The following GOLGA4 variants were observed in gnomAD, a reference collection of about 807,000 sequenced individuals.
GOLGA4 encodes the protein golgin subfamily A member 4.
Under a neutral mutation model 265.9 loss-of-function variants are expected in GOLGA4, and 169 were observed. That is an observed-to-expected ratio of 0.64 (90% CI 0.56 to 0.72). The LOEUF (loss-of-function observed/expected upper bound fraction) is 0.72, where lower values mean the gene tolerates loss of function less well. Ranked by LOEUF, GOLGA4 falls within the 30% of genes least tolerant of loss-of-function variation. The pLI, the probability that GOLGA4 is intolerant of heterozygous loss-of-function variation, is 0.00. For synonymous variants in GOLGA4, 923 were observed against 855.8 expected (o/e 1.08, Z -1.37); for missense variants, 2,482 against 2,483.4 (o/e 1.00, Z 0.01).
Position 37,243,279 on chromosome 3 carries a change from T to A in GOLGA4, c.-272T>A. ...AAGCGCCCTTGGCGCACAGTTCACC[T>A]GCTGCCGTTGTCGTCGCCGCCGCGG... On this transcript the variant is annotated 5_prime_UTR_variant, in exon 1 of 24. Transcript: ENST00000361924. The A allele has an allele frequency of 1.9e-6, 1 of 527,122 alleles. No individual in the cohort carries two copies. The allele number at this position is 527,122 out of a possible 1,614,324, so 32.7% of individuals were successfully genotyped here.
In GOLGA4 at chr3:37,243,438, C is replaced by T. The variant is rs1368650257; in HGVS notation, c.-113C>T. 26 of 886,988 alleles carry T rather than the reference C, an allele frequency of 2.9e-5. No individual in the cohort carries two copies. Among genetic ancestry groups the T allele is most frequent in the Non-Finnish European group, 4.3e-5 (23 of 535,802 alleles). 54.9% of individuals were successfully genotyped at this position (886,988 alleles called of 1,614,324 possible). On this transcript the variant is annotated 5_prime_UTR_variant, in exon 1 of 24. Transcript: ENST00000361924. ...GCCTCAAGGAGGAGACGGCGAGGCCCGGCCCCCGCTGTCCCTGGTGTAAAG... is the reference window on the plus strand; with the variant it reads ...GCCTCAAGGAGGAGACGGCGAGGCCTGGCCCCCGCTGTCCCTGGTGTAAAG...
At position 37,269,565 on chromosome 3, in the gene GOLGA4, A is replaced by G. The variant is rs576429655; in HGVS notation, c.163-12393A>G. On this transcript the variant is annotated intron_variant, in intron 2 of 23. Transcript: ENST00000361924. ...GGCTTCACAGAAAAAAAAAATAGGC[A>G]TAAGGAATGTGTTAGCCTTCCAGGA... Among the ~76,000 whole-genome samples, 110 of 152,300 alleles carry G rather than the reference A, an allele frequency of 7.2e-4. 1 individual carries two copies. Among genetic ancestry groups the G allele is most frequent in the Middle Eastern group, 6.8e-3 (2 of 294 alleles).
intron 10 of GOLGA4, among the ~76,000 whole-genome samples, chr3:37,307,135 G>A (rs2096908635): frequency 6.6e-6 from 1 of 152,080 alleles, no homozygotes; most frequent in South Asian, 2.1e-4. Flanking sequence ...TCCCTTTCAT[G>A]TACCTTGTCT....
Position 37,335,164 on chromosome 3 carries a change from A to C in GOLGA4, c.6304A>C (p.Asn2102His), listed in dbSNP as rs1245220649. 2 of 1,522,444 alleles carry C rather than the reference A, an allele frequency of 1.3e-6. No homozygotes were observed. Among genetic ancestry groups the C allele is most frequent in the Non-Finnish European group, 1.8e-6 (2 of 1,101,332 alleles). 94.3% of individuals were successfully genotyped at this position (1,522,444 alleles called of 1,614,324 possible). Residue 2102 changes from asparagine to histidine, a missense_variant and splice_region_variant, in exon 17 of 24, where the codon AAT (asparagine) becomes CAT (histidine). By Grantham distance (68) the Asn-to-His change is moderately conservative. This residue lies in a region of GOLGA4 where 942 missense variants were observed against 983.1 expected (regional missense o/e 0.96). Coordinates refer to ENST00000361924, the MANE Select transcript of GOLGA4 (RefSeq NM_002078.5). ...LEQEENPGND[N>H]VTIMELQTQL... ...GCAGGAGGAGAACCCTGGCAATGAT[A>C]ATGTGAGAGGAGTTTGAGTTTGCTG...
At chr3:37,268,828 C>T (rs2096790545) in intron 2 of GOLGA4, among the ~76,000 whole-genome samples, 2 of 152,334 alleles carry the variant, frequency 1.3e-5, no homozygotes, top group South Asian at 4.1e-4. Flanking sequence ...CCTCGGCCTC[C>T]TGAAGTGCTG....
Position 37,318,925 on chromosome 3 carries a change from A to G in GOLGA4, c.1414-138A>G, listed in dbSNP as rs1438212806. Reference sequence around the variant, plus strand: ...TTGATGACTTTGATCTATGCAGGAAATGTGTTTTCTCTTAGGAATGTGATT... The same window carrying G: ...TTGATGACTTTGATCTATGCAGGAAGTGTGTTTTCTCTTAGGAATGTGATT... On this transcript the variant is annotated intron_variant, in intron 11 of 23. Transcript: ENST00000361924. 4 of 573,690 alleles carry G rather than the reference A, an allele frequency of 7.0e-6. No individual in the cohort carries two copies. The East Asian group carries it at 9.2e-5, about 13-fold the overall frequency. 35.5% of individuals were successfully genotyped at this position (573,690 alleles called of 1,614,324 possible).
At chr3:37,340,057 A>G (rs17036249) in intron 19 of GOLGA4, 67 bp from the exon 20 acceptor site, 22,276 of 699,084 alleles carry the variant, frequency 0.032, 464 homozygotes, top group African/African-American at 0.055. Context: ...GGTGACAGCA[A>G]TCTTTCTTTT....
intron 1 of GOLGA4, among the ~76,000 whole-genome samples, chr3:37,248,315 T>C (rs1425136955): frequency 6.6e-6 from 1 of 152,182 alleles, no homozygotes; most frequent in African/African-American, 2.4e-5. Flanking sequence ...ATAACTGTGG[T>C]CAGTTAATAA....
chr3:37,273,181 A>G (rs2096803560), intron 2 of GOLGA4, among the ~76,000 whole-genome samples: 1 of 152,128 alleles, frequency 6.6e-6, no homozygotes, highest in South Asian at 2.1e-4. Flanking sequence ...TTTTCTGGAT[A>G]GTTTTCTGTT....
rs9840779 is a variant in GOLGA4 at position 37,326,541 on chromosome 3, A to G, written c.4655A>G (p.Asn1552Ser). The change falls in exon 14 of 24, where the codon AAT (asparagine) becomes AGT (serine). Residue 1552 changes from asparagine to serine, a missense_variant. Asn to Ser is a conservative substitution (Grantham distance 46, BLOSUM62 1). Around this residue, in one of 3 missense-constraint regions of GOLGA4, gnomAD observed 942 missense variants for 983.1 expected, o/e 0.96. Transcript: ENST00000361924. ...TTAAATGAAGTTCTTAAAAATTACAATCAACAAAAGGATATTGAACACAAA... is the reference window on the plus strand; with the variant it reads ...TTAAATGAAGTTCTTAAAAATTACAGTCAACAAAAGGATATTGAACACAAA... Reference protein sequence around the residue: ...ESLNEVLKNYNQQKDIEHKEL... With the variant: ...ESLNEVLKNYSQQKDIEHKEL... 2.9e-3 allele frequency: 4,737 copies of G among 1,608,386 alleles called. 102 individuals carry two copies. The African/African-American group carries it at 0.053, about 18-fold the overall frequency.
At position 37,261,170 on chromosome 3, in the gene GOLGA4, C is replaced by CA. The variant is rs1462338337; in HGVS notation, c.162+9696dup. Among the ~76,000 whole-genome samples the CA allele has an allele frequency of 2.9e-3, 422 of 146,180 alleles. 2 individuals carry two copies. The highest frequency in any genetic ancestry group is 2.7e-3 in the Non-Finnish European group (179 of 66,140). ...TTGGTGACAGAGCAAGACCCTATCT[C>CA]AAAAAAAAAAGAAAAAAGTCTGCTG... On this transcript the variant is annotated intron_variant, in intron 2 of 23. Transcript: ENST00000361924.
chr3:37,243,528 C>T lies in GOLGA4; in HGVS notation c.-23C>T. On this transcript the variant is annotated 5_prime_UTR_variant, in exon 1 of 24. Transcript: ENST00000361924. ...TCGCCCTTCAGGTTTCGTTGACACT[C>T]AGGACCGTACGTACGCTGCGCCATG... The T allele has an allele frequency of 6.2e-7, 1 of 1,611,762 alleles. No individual in the cohort carries two copies. Among genetic ancestry groups the T allele is most frequent in the East Asian group, 2.2e-5 (1 of 44,846 alleles).
At chr3:37,356,242 C>G (rs1206908595) in intron 22 of GOLGA4, among the ~76,000 whole-genome samples, 1 of 152,086 alleles carries the variant, frequency 6.6e-6, no homozygotes, top group Non-Finnish European at 1.5e-5. Context: ...ACCTCTTGCA[C>G]TTACAGCCTT....
chr3:37,327,254 G>T lies in GOLGA4; in HGVS notation c.5368G>T (p.Asp1790Tyr). The T allele has an allele frequency of 6.2e-7, 1 of 1,613,816 alleles. No individual in the cohort carries two copies. Among genetic ancestry groups the T allele is most frequent in the Non-Finnish European group, 8.5e-7 (1 of 1,179,800 alleles). The part of the protein sequence containing the change: ...LEHAEAKQHE[D>Y]QSMIGHLQEE... ...ACATGCTGAGGCAAAGCAACATGAA[G>T]ATCAAAGTATGATAGGTCATCTTCA... Residue 1790 changes from aspartate to tyrosine, a missense_variant, in exon 14 of 24, where the codon GAT becomes TAT. Physicochemically the swap from Asp to Tyr is radical, Grantham distance 160 (BLOSUM62 -3). This residue lies in a region of GOLGA4 where 942 missense variants were observed against 983.1 expected (regional missense o/e 0.96). Coordinates refer to ENST00000361924, the MANE Select transcript of GOLGA4 (RefSeq NM_002078.5).
intron 23 of GOLGA4, among the ~76,000 whole-genome samples, chr3:37,361,539 A>G (rs973062191): frequency 2.6e-5 from 4 of 152,242 alleles, no homozygotes; most frequent in Non-Finnish European, 5.9e-5. Context: ...AGAGTAATTG[A>G]AAGTTTGAAA....
At chr3:37,340,077 C>G (rs985419808) in intron 19 of GOLGA4, 47 bp from the exon 20 acceptor site, 19 of 783,232 alleles carry the variant, frequency 2.4e-5, no homozygotes, top group Non-Finnish European at 4.2e-5. Context: ...TTCTTACATA[C>G]AGTTTCCCTG....
At chr3:37,256,487 A>AT (rs2096749111) in intron 2 of GOLGA4, among the ~76,000 whole-genome samples, 1 of 151,962 alleles carries the variant, frequency 6.6e-6, no homozygotes, top group Non-Finnish European at 1.5e-5. Flanking sequence ...AAAAAGGGAC[A>AT]TAAAAAAAAT....
intron 16 of GOLGA4, among the ~76,000 whole-genome samples, chr3:37,332,268 G>A (rs2096993057): frequency 6.6e-6 from 1 of 152,164 alleles, no homozygotes; most frequent in Non-Finnish European, 1.5e-5. Context: ...TGTGCCTAAA[G>A]TCACATTCTC....
At chr3:37,309,631 C>T (rs2096917745) in intron 10 of GOLGA4, among the ~76,000 whole-genome samples, 1 of 152,194 alleles carries the variant, frequency 6.6e-6, no homozygotes, top group African/African-American at 2.4e-5. Flanking sequence ...AGCATAAATA[C>T]TTTTTCATTC....
Sources: allele counts gnomAD v4.1 joint callset (sites outside exome capture counted in the v4.1 genomes callset), GRCh38; gene constraint gnomAD v4.1.1; regional missense constraint gnomAD v4.1.1; transcripts MANE v1.5; gene names NCBI Gene and HGNC (gene_info 2026-07-23, HGNC 2026-07-21).